WIPF2: variants seen among roughly 807,000 people sequenced by gnomAD.
WIPF2 encodes WAS/WASL interacting protein family member 2.
WIPF2 carries 23 observed loss-of-function variants against 38.8 expected under a neutral mutation model. That is an observed-to-expected ratio of 0.59 (90% CI 0.43 to 0.84). The LOEUF (loss-of-function observed/expected upper bound fraction) is 0.84, where lower values mean the gene tolerates loss of function less well. WIPF2 is among the 40% of genes least tolerant of loss of function. The pLI, the probability that WIPF2 is intolerant of heterozygous loss-of-function variation, is 0.00. For synonymous variants in WIPF2, 210 were observed against 223.2 expected (o/e 0.94, Z 0.53); for missense variants, 574 against 580.5 (o/e 0.99, Z 0.11).
Position 40,260,522 on chromosome 17 carries a change from T to C in WIPF2, c.64-13T>C. 4 of 1,613,452 alleles carry C rather than the reference T, an allele frequency of 2.5e-6. No individual in the cohort carries two copies. The highest frequency in any genetic ancestry group is 3.4e-6 in the Non-Finnish European group (4 of 1,179,720). On this transcript the variant is annotated splice_polypyrimidine_tract_variant and intron_variant, in intron 2 of 7. Coordinates refer to ENST00000323571, the MANE Select transcript of WIPF2 (RefSeq NM_133264.5). ...ACTCTTTAGGGTGAACTTATATTTC[T>C]CTTATCCTCCAGGCAAACACAGAGC...
intron 5 of WIPF2, among the ~76,000 whole-genome samples, chr17:40,269,192 T>A (rs2032177122): frequency 6.6e-6 from 1 of 151,886 alleles, no homozygotes; most frequent in Admixed American, 6.6e-5. Context: ...TGATGGCGGG[T>A]GCCTGTAATC....
intron 1 of WIPF2, chr17:40,220,355 A>C (rs1008713118): frequency 6.6e-6 from 1 of 151,786 alleles, no homozygotes; most frequent in Non-Finnish European, 1.5e-5. Context: ...TCTTAAAAAT[A>C]GCATTGAGGC....
intron 6 of WIPF2, among the ~76,000 whole-genome samples, chr17:40,275,433 T>TA (rs1263498125): frequency 4.6e-5 from 7 of 152,152 alleles, no homozygotes; most frequent in Non-Finnish European, 1.0e-4. Flanking sequence ...GGGGGGGCTC[T>TA]ACCTAAGAGA....
chr17:40,240,726 C>T lies in WIPF2; in HGVS notation c.-69-15665C>T, dbSNP rs992272951. Among the ~76,000 whole-genome samples the T allele has an allele frequency of 8.6e-5, 13 of 151,692 alleles. 1 individual carries two copies. The South Asian group carries it at 1.0e-3, about 12-fold the overall frequency. On this transcript the variant is annotated intron_variant, in intron 1 of 7. Transcript: ENST00000323571. ...TTGGGAGGCTGAGGCAGGCAGATCA[C>T]GAGGTCAGGAGATGGAGACCATCCT... is the stretch of plus-strand genomic sequence containing the variant.
At chr17:40,229,189 G>T (rs933014598) in intron 1 of WIPF2, among the ~76,000 whole-genome samples, 1 of 151,044 alleles carries the variant, frequency 6.6e-6, no homozygotes, top group Non-Finnish European at 1.5e-5. Flanking sequence ...TCAACTCACC[G>T]CAACCTCTGC....
chr17:40,225,054 A>G (rs1338782588), intron 1 of WIPF2, among the ~76,000 whole-genome samples: 1 of 151,998 alleles, frequency 6.6e-6, no homozygotes, highest in Non-Finnish European at 1.5e-5. Flanking sequence ...AATGAGGTTC[A>G]TTGGCAGATC....
At position 40,250,764 on chromosome 17, in the gene WIPF2, C is replaced by T. The variant is rs148662752; in HGVS notation, c.-69-5627C>T. On this transcript the variant is annotated intron_variant, in intron 1 of 7. Coordinates refer to ENST00000323571, the MANE Select transcript of WIPF2 (RefSeq NM_133264.5). ...TTTCTAAATTTAATCTCAGGTTTAA[C>T]CTCAAGACCATTAGATTCTTAGCTG... Among the ~76,000 whole-genome samples, 20 of 151,994 alleles carry T rather than the reference C, an allele frequency of 1.3e-4. 1 individual carries two copies. The highest frequency in any genetic ancestry group is 4.6e-4 in the African/African-American group (19 of 41,458).
rs1461322350 is a variant in WIPF2, at chr17:40,282,863, C to T, written c.*4638C>T. 1 of 152,120 alleles carries T rather than the reference C, an allele frequency of 6.6e-6. No homozygotes were observed. Among genetic ancestry groups the T allele is most frequent in the Non-Finnish European group, 1.5e-5 (1 of 68,064 alleles). 9.4% of individuals were successfully genotyped at this position (152,120 alleles called of 1,614,324 possible). A position where few individuals can be genotyped will look rare whatever the true frequency, so the allele number is the denominator to read the frequency against. On this transcript the variant is annotated 3_prime_UTR_variant, in exon 8 of 8. Transcript: ENST00000323571. ...ATCTATAGCTTTCTGAGGGTCTTCT[C>T]TCCTCCTCTCCAGCTGTATTTTGAA...
chr17:40,266,001 AT>A (rs1251018650), intron 5 of WIPF2, among the ~76,000 whole-genome samples: 1 of 152,050 alleles, frequency 6.6e-6, no homozygotes, highest in Non-Finnish European at 1.5e-5. Flanking sequence ...GAGACAATGA[AT>A]TGGTAATTGG....
intron 3 of WIPF2, among the ~76,000 whole-genome samples, chr17:40,262,166 G>A (rs936879057): frequency 6.9e-6 from 1 of 144,678 alleles, no homozygotes; most frequent in Admixed American, 7.0e-5. Context: ...CTGCAGCCTC[G>A]ACCTCCCAGG....
At chr17:40,277,723 C>CTTTTTTTTTTTTTCTTTTT in intron 7 of WIPF2, among the ~76,000 whole-genome samples, 1 of 97,638 alleles carries the variant, frequency 1.0e-5, no homozygotes, top group Non-Finnish European at 1.9e-5. Context: ...CTTCGTTGTC[C>CTTTTTTTTTTTTTCTTTTT]TTTTTTTTTT....
intron 1 of WIPF2, among the ~76,000 whole-genome samples, chr17:40,227,951 T>C (rs1367126757): frequency 6.6e-6 from 1 of 151,080 alleles, no homozygotes; most frequent in African/African-American, 2.4e-5. Context: ...GTTGTTTTAA[T>C]AAATGTAGCA....
chr17:40,282,687 C>T lies in WIPF2; in HGVS notation c.*4462C>T, dbSNP rs1318883100. On this transcript the variant is annotated 3_prime_UTR_variant, in exon 8 of 8. Coordinates refer to ENST00000323571, the MANE Select transcript of WIPF2 (RefSeq NM_133264.5). ...GCTTAATTAAAACCTTGCTTAAAAA[C>T]AAAAAGTGAAAATTGTGTACTCTTG... 1.3e-5 allele frequency: 2 copies of T among 152,112 alleles called. No individual in the cohort carries two copies. Among genetic ancestry groups the T allele is most frequent in the Non-Finnish European group, 2.9e-5 (2 of 68,030 alleles). 9.4% of individuals were successfully genotyped at this position (152,112 alleles called of 1,614,324 possible). A position where few individuals can be genotyped will look rare whatever the true frequency, so the allele number is the denominator to read the frequency against.
rs2032494352 is a variant in WIPF2, at chr17:40,279,264, CCCCT to C, written c.*1041_*1044del. ...GATAACAAAGAAGGGCAGGTTGAAG[CCCCT>C]CATGGAAGGAGCTGGCTTTGTGGGG... On this transcript the variant is annotated 3_prime_UTR_variant, in exon 8 of 8. Transcript: ENST00000323571. 6.6e-6 allele frequency: 1 copy of C among 152,408 alleles called. No homozygotes were observed. Among genetic ancestry groups the C allele is most frequent in the African/African-American group, 2.4e-5 (1 of 41,436 alleles). 9.4% of individuals were successfully genotyped at this position (152,408 alleles called of 1,614,324 possible).
At chr17:40,232,939 A>G (rs1426670453) in intron 1 of WIPF2, among the ~76,000 whole-genome samples, 1 of 152,132 alleles carries the variant, frequency 6.6e-6, no homozygotes, top group Non-Finnish European at 1.5e-5. Context: ...TACCTGGCTC[A>G]TTTCTCTATT....
At chr17:40,268,600 T>A (rs537884423) in intron 5 of WIPF2, among the ~76,000 whole-genome samples, 52 of 152,262 alleles carry the variant, frequency 3.4e-4, no homozygotes, top group African/African-American at 9.6e-4. Flanking sequence ...ATTAAAATTT[T>A]TTTTTATTTT....
chr17:40,240,146 C>G (rs1025049316), intron 1 of WIPF2, among the ~76,000 whole-genome samples: 2 of 151,850 alleles, frequency 1.3e-5, no homozygotes, highest in African/African-American at 4.8e-5. Flanking sequence ...ACTGCAACCT[C>G]CACCTCCCAG....
At chr17:40,271,608 G>A (rs2032248807) in intron 5 of WIPF2, among the ~76,000 whole-genome samples, 1 of 152,212 alleles carries the variant, frequency 6.6e-6, no homozygotes, top group Non-Finnish European at 1.5e-5. Context: ...AATACTGGGA[G>A]TTACGAAAAG....
chr17:40,269,866 A>G (rs938121814), intron 5 of WIPF2, among the ~76,000 whole-genome samples: 4 of 150,824 alleles, frequency 2.7e-5, no homozygotes, highest in Non-Finnish European at 3.0e-5. Flanking sequence ...TGGCCTCCCA[A>G]AGTGCTGGGA....
Sources: allele counts gnomAD v4.1 joint callset (sites outside exome capture counted in the v4.1 genomes callset), GRCh38; gene constraint gnomAD v4.1.1; transcripts MANE v1.5; gene names NCBI Gene and HGNC (gene_info 2026-07-23, HGNC 2026-07-21).